The following SPECC1L variants were observed in gnomAD, a reference collection of about 807,000 sequenced individuals.
SPECC1L encodes the protein cytospin-A.
Under a neutral mutation model 116.8 loss-of-function variants are expected in SPECC1L, and 40 were observed. That is an observed-to-expected ratio of 0.34 (90% CI 0.27 to 0.45). The LOEUF (loss-of-function observed/expected upper bound fraction) is 0.45, where lower values mean the gene tolerates loss of function less well. Ranked by LOEUF, SPECC1L falls within the 20% of genes least tolerant of loss-of-function variation. The probability of loss-of-function intolerance (pLI) is 1.00; values close to 1 mark genes in which losing one functional copy is unlikely to be tolerated. For missense variants in SPECC1L, 1,110 were observed against 1,373.6 expected (o/e 0.81, Z 3.03); for synonymous variants, 504 against 500.6 (o/e 1.01, Z -0.09).
intron 2 of SPECC1L, among the ~76,000 whole-genome samples, chr22:24,280,274 C>T (rs1375481958): frequency 6.6e-6 from 1 of 151,974 alleles, no homozygotes; most frequent in Non-Finnish European, 1.5e-5. Flanking sequence ...ACACAAACTG[C>T]TGATATGGTT....
intron 11 of SPECC1L, among the ~76,000 whole-genome samples, chr22:24,358,275 C>T (rs369159981): frequency 1.4e-4 from 21 of 151,738 alleles, no homozygotes; most frequent in African/African-American, 4.6e-4. Flanking sequence ...CCACCATGTC[C>T]GGCTAATGTT....
At chr22:24,395,028 A>G (rs938021852) in intron 14 of SPECC1L, among the ~76,000 whole-genome samples, 5 of 151,964 alleles carry the variant, frequency 3.3e-5, no homozygotes, top group African/African-American at 1.2e-4. Context: ...GGGTTTCATC[A>G]TGTTGCCCAG....
In SPECC1L at chr22:24,365,606, G is replaced by A; in HGVS notation, c.2958G>A (p.Val986=). 1 of 1,614,134 alleles carries A rather than the reference G, an allele frequency of 6.2e-7. No individual in the cohort carries two copies. The highest frequency in any genetic ancestry group is 8.5e-7 in the Non-Finnish European group (1 of 1,180,038). ...TGTCCTCTTCTCCAACGGCATCTGT[G>A]ACTCCCACCACCCGAAGCCGAATAA... ...LSLSSSPTAS[V]TPTTRSRIRE... The change falls in exon 13 of 17, where the codon GTG becomes GTA. Residue 986 remains valine, a synonymous_variant. Transcript: ENST00000314328.
intron 14 of SPECC1L, among the ~76,000 whole-genome samples, chr22:24,387,081 C>A (rs2042174984): frequency 6.6e-6 from 1 of 152,054 alleles, no homozygotes; most frequent in South Asian, 2.1e-4. Context: ...ACTGTTCTAG[C>A]CAGTTTGGAA....
intron 2 of SPECC1L, among the ~76,000 whole-genome samples, chr22:24,282,516 G>A (rs189301740): frequency 1.3e-5 from 2 of 152,280 alleles, no homozygotes; most frequent in African/African-American, 2.4e-5. Flanking sequence ...AGTTTCAATC[G>A]TGGTAAAAGT....
chr22:24,354,566 C>G (rs540377595), intron 11 of SPECC1L, among the ~76,000 whole-genome samples: 10 of 152,240 alleles, frequency 6.6e-5, no homozygotes, highest in African/African-American at 2.2e-4. Flanking sequence ...CTTCCCTCCA[C>G]CCCTGAAGTA....
At chr22:24,325,575 ATTTAT>A (rs973921189) in intron 6 of SPECC1L, among the ~76,000 whole-genome samples, 2 of 143,028 alleles carry the variant, frequency 1.4e-5, no homozygotes, top group African/African-American at 5.2e-5. Flanking sequence ...TTATTTATTT[ATTTAT>A]AAGAGGTGAC....
intron 9 of SPECC1L, among the ~76,000 whole-genome samples, chr22:24,336,502 G>A (rs1320776584): frequency 6.6e-6 from 1 of 152,010 alleles, no homozygotes; most frequent in Non-Finnish European, 1.5e-5. Flanking sequence ...TTATGAGGCC[G>A]AGGTGGTAAC....
At chr22:24,350,311 C>T (rs994859130) in intron 11 of SPECC1L, among the ~76,000 whole-genome samples, 5 of 152,008 alleles carry the variant, frequency 3.3e-5, no homozygotes, top group Admixed American at 3.3e-4. Context: ...TCTTATTTCC[C>T]TAAATTGTAA....
chr22:24,374,479 G>A (rs1356507447), intron 14 of SPECC1L, among the ~76,000 whole-genome samples: 3 of 151,764 alleles, frequency 2.0e-5, no homozygotes, highest in East Asian at 1.9e-4. Flanking sequence ...GTAGGGACAC[G>A]GATGAAGCTG....
intron 14 of SPECC1L, among the ~76,000 whole-genome samples, chr22:24,395,013 A>G (rs2042340275): frequency 6.6e-6 from 1 of 152,096 alleles, no homozygotes; most frequent in Non-Finnish European, 1.5e-5. Context: ...GTGTTTTTGT[A>G]GATAGGGTTT....
chr22:24,290,139 TC>T (rs1341210257), intron 2 of SPECC1L, among the ~76,000 whole-genome samples: 1 of 152,206 alleles, frequency 6.6e-6, no homozygotes, highest in Non-Finnish European at 1.5e-5. Context: ...GAGCAGTCTT[TC>T]TCCTGTGGAT....
At chr22:24,377,506 A>T (rs917210527) in intron 14 of SPECC1L, among the ~76,000 whole-genome samples, 1 of 152,158 alleles carries the variant, frequency 6.6e-6, no homozygotes, top group African/African-American at 2.4e-5. Flanking sequence ...CTTCTAGCCT[A>T]CTACCAAAGT....
At chr22:24,391,615 T>C (rs897689629) in intron 14 of SPECC1L, among the ~76,000 whole-genome samples, 4 of 152,146 alleles carry the variant, frequency 2.6e-5, no homozygotes, top group South Asian at 2.1e-4. Context: ...AGAGCTGCAT[T>C]CAGGACCGGT....
intron 10 of SPECC1L, among the ~76,000 whole-genome samples, chr22:24,345,258 T>C (rs2041267351): frequency 6.6e-6 from 1 of 151,992 alleles, no homozygotes; most frequent in Non-Finnish European, 1.5e-5. Context: ...TAGATAACTG[T>C]ATAGAAAAAA....
chr22:24,304,793 T>C (rs143145512), intron 3 of SPECC1L, among the ~76,000 whole-genome samples: 60 of 152,370 alleles, frequency 3.9e-4, no homozygotes, highest in African/African-American at 1.4e-3. Flanking sequence ...TGAACAATCC[T>C]CCTCGGAAAC....
chr22:24,333,581 A>G (rs1159497758), intron 8 of SPECC1L, among the ~76,000 whole-genome samples: 1 of 150,648 alleles, frequency 6.6e-6, no homozygotes, highest in Admixed American at 6.6e-5. Context: ...TTCTTTGTAG[A>G]ATTCTATTTG....
intron 4 of SPECC1L, among the ~76,000 whole-genome samples, chr22:24,316,718 T>C (rs1277800015): frequency 6.7e-6 from 1 of 149,866 alleles, no homozygotes; most frequent in Non-Finnish European, 1.5e-5. Context: ...TTCTCAATCT[T>C]TTCCCCACCT....
intron 2 of SPECC1L, among the ~76,000 whole-genome samples, chr22:24,278,680 A>C (rs896156922): frequency 6.6e-6 from 1 of 152,232 alleles, no homozygotes; most frequent in South Asian, 2.1e-4. Flanking sequence ...TATATAGCAT[A>C]GGGTTTCACC....
Sources: gnomAD v4.1 joint callset for allele counts (sites outside exome capture counted in the v4.1 genomes callset) on GRCh38, gnomAD v4.1.1 for gene constraint, MANE v1.5 for transcripts, NCBI Gene and HGNC (gene_info 2026-07-23, HGNC 2026-07-21) for gene names.